Variants in DLG2 observed in about 807,000 individuals in gnomAD.
DLG2 encodes the protein disks large homolog 2.
A neutral mutation model predicts 132.5 loss-of-function variants in DLG2; 45 were observed. The observed-to-expected ratio is 0.34, with a 90% CI of 0.27 to 0.44. DLG2 has a LOEUF of 0.44. Ranked by LOEUF, DLG2 falls within the 20% of genes least tolerant of loss-of-function variation. The pLI, the probability that DLG2 is intolerant of heterozygous loss-of-function variation, is 1.00. For missense variants in DLG2, 1,045 were observed against 1,196.9 expected, an observed-to-expected ratio of 0.87 and a Z score of 1.87; for synonymous variants, 424 against 419.6, an observed-to-expected ratio of 1.01 and a Z score of -0.13.
chr11:85,414,447 T>A (rs575762400), intron 3 of DLG2, among the ~76,000 whole-genome samples: 175 of 151,970 alleles, frequency 1.2e-3, no homozygotes, highest in African/African-American at 4.1e-3. Flanking sequence ...TGAAGAGAGG[T>A]GGTCTGAAAG....
intron 3 of DLG2, among the ~76,000 whole-genome samples, chr11:85,495,473 G>T (rs1260547043): frequency 2.0e-5 from 3 of 152,078 alleles, no homozygotes; most frequent in Non-Finnish European, 2.9e-5. Context: ...GTAGGCAAAA[G>T]ATATGAATAG....
intron 6 of DLG2, among the ~76,000 whole-genome samples, chr11:84,926,382 C>G (rs891662087): frequency 5.9e-5 from 9 of 151,770 alleles, no homozygotes; most frequent in African/African-American, 1.7e-4. Flanking sequence ...GTATGTGTAT[C>G]TAAAATATCC....
At chr11:83,620,731 G>T (rs1290669496) in intron 19 of DLG2, among the ~76,000 whole-genome samples, 1 of 150,298 alleles carries the variant, frequency 6.7e-6, no homozygotes, top group East Asian at 1.9e-4. Context: ...TTAGCCGGGC[G>T]TAGTGGCGGG....
chr11:85,065,828 G>T (rs1264935971), intron 6 of DLG2, among the ~76,000 whole-genome samples: 1 of 151,112 alleles, frequency 6.6e-6, no homozygotes, highest in Non-Finnish European at 1.5e-5. Flanking sequence ...AGTGCTAAGA[G>T]AAAAGTTTAT....
chr11:84,937,069 T>A (rs190210013), intron 6 of DLG2, among the ~76,000 whole-genome samples: 6 of 152,216 alleles, frequency 3.9e-5, no homozygotes, highest in Admixed American at 1.3e-4. Context: ...GGAGAACTGC[T>A]TGAACCCAGG....
intron 19 of DLG2, among the ~76,000 whole-genome samples, chr11:83,598,064 T>C (rs1268635867): frequency 6.6e-6 from 1 of 152,204 alleles, no homozygotes; most frequent in African/African-American, 2.4e-5. Flanking sequence ...CAGGACTAGG[T>C]TGCCTGGTTG....
At chr11:83,781,227 T>C (rs1196694844) in intron 18 of DLG2, among the ~76,000 whole-genome samples, 2 of 152,210 alleles carry the variant, frequency 1.3e-5, no homozygotes, top group African/African-American at 2.4e-5. Flanking sequence ...TATATATTTC[T>C]CTGTCACTAT....
intron 6 of DLG2, among the ~76,000 whole-genome samples, chr11:84,953,909 T>C (rs1224844357): frequency 6.6e-6 from 1 of 152,140 alleles, no homozygotes; most frequent in African/African-American, 2.4e-5. Context: ...CTGTACCAAA[T>C]TTTCCCTCAC....
intron 11 of DLG2, among the ~76,000 whole-genome samples, chr11:83,985,803 T>C (rs2093238064): frequency 6.6e-6 from 1 of 152,120 alleles, no homozygotes; most frequent in Non-Finnish European, 1.5e-5. Flanking sequence ...TTGGGAATAG[T>C]GTTGCAATGA....
chr11:83,997,773 T>C lies in DLG2; in HGVS notation c.920-17131A>G, dbSNP rs71465588. Among the ~76,000 whole-genome samples the C allele has an allele frequency of 9.6e-3, 865 of 89,932 alleles. 24 individuals are homozygous for C. The highest frequency in any genetic ancestry group is 0.018 in the Middle Eastern group (2 of 114). The allele number at this position is 89,932 out of a possible 152,430, so 59.0% of individuals were successfully genotyped here. ...AAAAAAAAAAAAAAAAAAAAAGGTGTGCCAAATAGTCCCTCATACAAACAG... is the reference window on the plus strand; with the variant it reads ...AAAAAAAAAAAAAAAAAAAAAGGTGCGCCAAATAGTCCCTCATACAAACAG... On this transcript the variant is annotated intron_variant, in intron 11 of 27. Coordinates refer to ENST00000376104, the MANE Select transcript of DLG2 (RefSeq NM_001142699.3).
At chr11:84,197,709 TACTG>T (rs2096540517) in intron 8 of DLG2, among the ~76,000 whole-genome samples, 2 of 152,196 alleles carry the variant, frequency 1.3e-5, no homozygotes, top group African/African-American at 4.8e-5. Context: ...CGTGGCACAT[TACTG>T]ACTAAAAAAA....
intron 11 of DLG2, among the ~76,000 whole-genome samples, chr11:84,029,449 G>A (rs139341619): frequency 2.8e-4 from 43 of 152,064 alleles, no homozygotes; most frequent in Admixed American, 7.2e-4. Context: ...AAAAGCGAGC[G>A]AAAATTTAAG....
At position 84,502,415 on chromosome 11, in the gene DLG2, T is replaced by TTTCTTTCTTTCG. The variant is rs58799252; in HGVS notation, c.519+32154_519+32155insCGAAAGAAAGAA. ...CTTTCTTTCTTTCTTTCTTTCTTTC[T>TTTCTTTCTTTCG]ATACAGAGTCTCATGCTGTCACCCA... On this transcript the variant is annotated intron_variant, in intron 7 of 27. Transcript: ENST00000376104. Among the ~76,000 whole-genome samples, 12 of 99,824 alleles carry TTTCTTTCTTTCG rather than the reference T, an allele frequency of 1.2e-4. 4 individuals are homozygous for TTTCTTTCTTTCG. The highest frequency in any genetic ancestry group is 3.6e-4 in the African/African-American group (7 of 19,364). The allele number at this position is 99,824 out of a possible 152,430, so 65.5% of individuals were successfully genotyped here.
At position 84,007,585 on chromosome 11, in the gene DLG2, T is replaced by C. The variant is rs989410135; in HGVS notation, c.920-26943A>G. 2.0e-4 allele frequency among the ~76,000 whole-genome samples: 30 copies of C among 151,736 alleles called. 1 individual carries two copies. The highest frequency in any genetic ancestry group is 7.0e-4 in the African/African-American group (29 of 41,432). On this transcript the variant is annotated intron_variant, in intron 11 of 27. Transcript: ENST00000376104. ...ATAAATTCAGCTACATAATTGAACA[T>C]CTTTAATGACTGCTTAAAAGATATA...
intron 11 of DLG2, among the ~76,000 whole-genome samples, chr11:84,027,102 G>C (rs1162014353): frequency 3.3e-5 from 5 of 152,010 alleles, no homozygotes; most frequent in Non-Finnish European, 7.4e-5. Flanking sequence ...GGGTAACAAA[G>C]GTATTGGAGA....
intron 9 of DLG2, among the ~76,000 whole-genome samples, chr11:84,127,474 GT>G (rs2094227382): frequency 6.6e-6 from 1 of 152,184 alleles, no homozygotes; most frequent in Admixed American, 6.5e-5. Flanking sequence ...TAGTGGCAAG[GT>G]TGATTCCTTG....
rs373236406 is a variant in DLG2, at chr11:84,757,294, G to A, written c.358-222563C>T. On this transcript the variant is annotated intron_variant, in intron 6 of 27. Transcript: ENST00000376104. Reference sequence around the variant, plus strand: ...TTGACCAAGTAAGTGTATATCTTTTGTTAAAAAAAAAAAGGATTTTATCTT... The same window carrying A: ...TTGACCAAGTAAGTGTATATCTTTTATTAAAAAAAAAAAGGATTTTATCTT... 4.1e-3 allele frequency among the ~76,000 whole-genome samples: 614 copies of A among 148,988 alleles called. 11 individuals are homozygous for A. The highest frequency in any genetic ancestry group is 0.029 in the Admixed American group (438 of 14,992).
rs61414083 is a variant in DLG2 at position 85,025,372 on chromosome 11, G to A, written c.357+86289C>T. On this transcript the variant is annotated intron_variant, in intron 6 of 27. Coordinates refer to ENST00000376104, the MANE Select transcript of DLG2 (RefSeq NM_001142699.3). ...CCATAAAGAAGTGTTGTTGGAGTCT[G>A]ACTTTCCTCGATGAAATGTTAGACA... Among the ~76,000 whole-genome samples, 265 of 152,276 alleles carry A rather than the reference G, an allele frequency of 1.7e-3. 4 individuals carry two copies. Among genetic ancestry groups the A allele is most frequent in the Middle Eastern group, 6.8e-3 (2 of 294 alleles).
chr11:84,264,620 C>T (rs1001013062), intron 7 of DLG2, among the ~76,000 whole-genome samples: 1 of 152,112 alleles, frequency 6.6e-6, no homozygotes, highest in Non-Finnish European at 1.5e-5. Context: ...CAGGCTGGGA[C>T]TCTCTCTTCT....
Sources: gnomAD v4.1 joint callset for allele counts (sites outside exome capture counted in the v4.1 genomes callset) on GRCh38, gnomAD v4.1.1 for gene constraint, MANE v1.5 for transcripts, NCBI Gene and HGNC (gene_info 2026-07-23, HGNC 2026-07-21) for gene names.